The following KDM4C variants were observed in gnomAD, a reference collection of about 807,000 sequenced individuals.
The protein encoded by KDM4C is lysine-specific demethylase 4C.
In KDM4C, 81 loss-of-function variants were observed where a neutral mutation model predicts 129.3. The ratio of observed to expected loss-of-function variants is 0.63; its 90% CI spans 0.52 to 0.75. KDM4C has a LOEUF of 0.75. KDM4C is among the 30% of genes least tolerant of loss of function. The probability of loss-of-function intolerance (pLI) is 0.00; values close to 1 mark genes in which losing one functional copy is unlikely to be tolerated. For missense variants in KDM4C, 1,457 were observed against 1,304.0 expected (o/e 1.12, Z -1.81); for synonymous variants, 573 against 456.1 (o/e 1.26, Z -3.26).
chr9:7,001,524 G>A (rs994293406), intron 12 of KDM4C, among the ~76,000 whole-genome samples: 4 of 152,202 alleles, frequency 2.6e-5, no homozygotes, highest in African/African-American at 7.2e-5. Context: ...GGAAGAAGAT[G>A]TATAGCCTTG....
intron 3 of KDM4C, among the ~76,000 whole-genome samples, chr9:6,807,047 C>T (rs62568040): frequency 1.1e-4 from 17 of 152,202 alleles, no homozygotes; most frequent in African/African-American, 4.1e-4. Flanking sequence ...TGCAGGCACG[C>T]GCCGCCACGC....
intron 8 of KDM4C, among the ~76,000 whole-genome samples, chr9:6,948,852 A>G (rs1399757935): frequency 2.0e-5 from 3 of 152,202 alleles, no homozygotes; most frequent in African/African-American, 7.2e-5. Flanking sequence ...TTCTTAGTAC[A>G]GAACAAAATG....
chr9:6,966,143 C>T (rs1022356022), intron 8 of KDM4C, among the ~76,000 whole-genome samples: 2 of 152,018 alleles, frequency 1.3e-5, no homozygotes, highest in Non-Finnish European at 2.9e-5. Flanking sequence ...AATTTAGACA[C>T]CTTAAGATTA....
chr9:6,994,868 C>T (rs1456603487), intron 12 of KDM4C, among the ~76,000 whole-genome samples: 1 of 152,146 alleles, frequency 6.6e-6, no homozygotes, highest in Non-Finnish European at 1.5e-5. Flanking sequence ...ATCTCTCTAC[C>T]ACTGTGCCAA....
At chr9:7,020,992 G>T (rs1332931278) in intron 15 of KDM4C, among the ~76,000 whole-genome samples, 1 of 147,630 alleles carries the variant, frequency 6.8e-6, no homozygotes, top group Non-Finnish European at 1.5e-5. Context: ...TTACCTCCTA[G>T]CCTCTGGTAA....
chr9:6,820,266 C>G (rs969616672), intron 4 of KDM4C, among the ~76,000 whole-genome samples: 1 of 152,006 alleles, frequency 6.6e-6, no homozygotes, highest in Non-Finnish European at 1.5e-5. Context: ...TGACTAAGTT[C>G]CAGTGAAAGG....
upstream of KDM4C, among the ~76,000 whole-genome samples, chr9:6,754,271 GGTGCTATCTTA>G (rs1190630496): frequency 6.6e-6 from 1 of 151,524 alleles, no homozygotes; most frequent in East Asian, 1.9e-4. Context: ...AGAGTGCAGT[GGTGCTATCTTA>G]GCTCACTGCA....
intron 5 of KDM4C, among the ~76,000 whole-genome samples, chr9:6,856,181 A>G (rs1839778365): frequency 6.6e-6 from 1 of 152,192 alleles, no homozygotes; most frequent in Admixed American, 6.5e-5. Flanking sequence ...CAAAAAAAAA[A>G]AAATCTAAGA....
intron 1 of KDM4C, among the ~76,000 whole-genome samples, chr9:6,788,846 C>G (rs923273856): frequency 9.9e-5 from 15 of 152,214 alleles, no homozygotes; most frequent in South Asian, 2.1e-4. Flanking sequence ...TTAGGAATCT[C>G]AGGGGTGTGC....
chr9:7,159,794 T>G (rs942897861), intron 19 of KDM4C, among the ~76,000 whole-genome samples: 4 of 152,214 alleles, frequency 2.6e-5, no homozygotes, highest in Admixed American at 2.6e-4. Context: ...TTGGTGAATC[T>G]GCCAATTATG....
At chr9:6,887,842 GA>G (rs1845524234) in intron 6 of KDM4C, 117 bp from the exon 7 acceptor site, 1 of 644,274 alleles carries the variant, frequency 1.6e-6, no homozygotes, top group East Asian at 3.0e-5. Flanking sequence ...TTTGGCAGAA[GA>G]GGTCCATACT....
chr9:7,167,239 T>C (rs538170760), intron 20 of KDM4C, among the ~76,000 whole-genome samples: 12 of 152,194 alleles, frequency 7.9e-5, no homozygotes, highest in Non-Finnish European at 1.6e-4. Context: ...AGCTCTGCCC[T>C]AACTAGGGTG....
At chr9:6,860,579 T>A (rs1840741442) in intron 5 of KDM4C, among the ~76,000 whole-genome samples, 1 of 152,176 alleles carries the variant, frequency 6.6e-6, no homozygotes, top group Non-Finnish European at 1.5e-5. Flanking sequence ...TTTACCTGTA[T>A]AACAAACCTT....
intron 18 of KDM4C, among the ~76,000 whole-genome samples, chr9:7,114,448 G>A (rs2133240142): frequency 6.6e-6 from 1 of 152,234 alleles, no homozygotes; most frequent in Non-Finnish European, 1.5e-5. Context: ...ATTTAGTTAT[G>A]AATAATCACA....
At chr9:6,966,342 C>A (rs574736180) in intron 8 of KDM4C, among the ~76,000 whole-genome samples, 1 of 152,324 alleles carries the variant, frequency 6.6e-6, no homozygotes, top group Non-Finnish European at 1.5e-5. Context: ...GCCACTGCGC[C>A]CAGCTAATTT....
intron 7 of KDM4C, among the ~76,000 whole-genome samples, chr9:6,892,142 GTATTTTTATATTACT>G (rs1343562517): frequency 6.6e-6 from 1 of 152,152 alleles, no homozygotes; most frequent in African/African-American, 2.4e-5. Flanking sequence ...AATCCTATGA[GTATTTTTATATTACT>G]TTGCAGCAAC....
chr9:7,076,934 T>G lies in KDM4C; in HGVS notation c.2425-26751T>G. 3.0e-6 allele frequency: 3 copies of G among 986,292 alleles called. No homozygotes were observed. The African/African-American group carries it at 5.2e-5, about 17-fold the overall frequency. 61.1% of individuals were successfully genotyped at this position (986,292 alleles called of 1,614,324 possible). On this transcript the variant is annotated intron_variant, in intron 17 of 21. Transcript: ENST00000381309. ...GGCATTATAATAGGAGTCTCAGAAG[T>G]TACACCATTTTTCTACAGCACATCA...
chr9:6,957,267 T>C (rs1422523981), intron 8 of KDM4C, among the ~76,000 whole-genome samples: 1 of 152,228 alleles, frequency 6.6e-6, no homozygotes, highest in African/African-American at 2.4e-5. Context: ...TTGATACTTA[T>C]TTTTATCACA....
intron 1 of KDM4C, among the ~76,000 whole-genome samples, chr9:6,768,302 A>G (rs1398735926): frequency 6.6e-6 from 1 of 150,932 alleles, no homozygotes; most frequent in African/African-American, 2.5e-5. Context: ...GGTGACAGAT[A>G]GGCAGGCCCC....
Sources: gnomAD v4.1 joint callset for allele counts (sites outside exome capture counted in the v4.1 genomes callset) on GRCh38, gnomAD v4.1.1 for gene constraint, MANE v1.5 for transcripts, NCBI Gene and HGNC (gene_info 2026-07-23, HGNC 2026-07-21) for gene names.